NOP9: variants seen among roughly 807,000 people sequenced by gnomAD.
NOP9 encodes the protein nucleolar protein 9.
Under a neutral mutation model 63.0 loss-of-function variants are expected in NOP9, and 50 were observed. The observed-to-expected ratio is 0.79, with a 90% CI of 0.63 to 1.00. The LOEUF (loss-of-function observed/expected upper bound fraction) is 1.00. Among genes scored for constraint, NOP9 ranks in the 50% least tolerant of loss-of-function variants. The probability of loss-of-function intolerance (pLI) is 0.00; values close to 1 mark genes in which losing one functional copy is unlikely to be tolerated. For synonymous variants in NOP9, 343 were observed against 332.8 expected, an observed-to-expected ratio of 1.03 and a Z score of -0.33; for missense variants, 758 against 803.0, an observed-to-expected ratio of 0.94 and a Z score of 0.68.
At chr14:24,282,653 G>C in the NOP9 span, among the ~76,000 whole-genome samples, 1 of 152,088 alleles carries the variant, frequency 6.6e-6, no homozygotes, top group Non-Finnish European at 1.5e-5. Context: ...TCACCAATAT[G>C]GGGCATATGT....
In NOP9 at chr14:24,304,029, C is replaced by G. The variant is rs780597624; in HGVS notation, c.1411-12C>G. 6.2e-7 allele frequency: 1 copy of G among 1,612,004 alleles called. No homozygotes were observed. Among genetic ancestry groups the G allele is most frequent in the Non-Finnish European group, 8.5e-7 (1 of 1,178,228 alleles). ...GTTGGTGCCTCCTAATTTCTTATCT[C>G]TGCGCTGCCAGGTGGCAATGGCCGC... On this transcript the variant is annotated splice_polypyrimidine_tract_variant and intron_variant, in intron 7 of 9. Coordinates refer to ENST00000267425, the MANE Select transcript of NOP9 (RefSeq NM_174913.3).
At chr14:24,298,811 G>T, upstream of NOP9, 4 of 1,033,082 alleles carry the variant, frequency 3.9e-6, no homozygotes, top group Non-Finnish European at 3.9e-6. Flanking sequence ...AGTTATTTAC[G>T]GGGTTTTTAA....
Position 24,300,001 on chromosome 14 carries a change from C to T in NOP9, c.47C>T (p.Pro16Leu), listed in dbSNP as rs777894674. The change falls in exon 1 of 10, where the codon CCA becomes CTA. Residue 16 changes from proline (P) to leucine (L), a missense_variant. Coordinates refer to ENST00000267425, the MANE Select transcript of NOP9 (RefSeq NM_174913.3). ...RSPHKVGRRF[P>L]AGGKRGRGAK... is the part of the protein sequence containing the mutation. ...CCACACAAGGTGGGGCGCCGGTTCC[C>T]AGCTGGTGGCAAACGGGGGCGCGGG... is the stretch of plus-strand genomic sequence containing the variant. 6.3e-7 allele frequency: 1 copy of T among 1,599,860 alleles called. No homozygotes were observed. The highest frequency in any genetic ancestry group is 8.5e-7 in the Non-Finnish European group (1 of 1,172,574).
chr14:24,287,370 G>A, the NOP9 span, among the ~76,000 whole-genome samples: 1 of 152,156 alleles, frequency 6.6e-6, no homozygotes, highest in African/African-American at 2.4e-5. Context: ...GTCCCAGGCT[G>A]GAACTATTCT....
intron 6 of NOP9, 131 bp downstream of exon 6, chr14:24,303,345 G>A: frequency 8.6e-7 from 1 of 1,166,948 alleles, no homozygotes; most frequent in South Asian, 1.3e-5. Context: ...CAGGAATGGG[G>A]GAAAATGAGG....
chr14:24,303,967 TG>T, intron 7 of NOP9, 73 bp from the exon 8 acceptor site: 11 of 1,574,782 alleles, frequency 7.0e-6, no homozygotes, highest in Non-Finnish European at 9.6e-6. Context: ...CAGGTGGAGG[TG>T]GCAGTGTTCT....
In NOP9 at chr14:24,302,306, C is replaced by G; in HGVS notation, c.1025C>G (p.Pro342Arg). 1.9e-6 allele frequency: 3 copies of G among 1,614,162 alleles called. No homozygotes were observed. Among genetic ancestry groups the G allele is most frequent in the Non-Finnish European group, 2.5e-6 (3 of 1,180,014 alleles). Reference protein sequence around the residue: ...LEQVLLVLEPPRLQSLFEEHL... With the variant: ...LEQVLLVLEPRRLQSLFEEHL... ...CAGGTCCTGCTGGTGTTGGAGCCCCCAAGACTCCAGAGCCTCTTTGAGGAG... is the reference window on the plus strand; with the variant it reads ...CAGGTCCTGCTGGTGTTGGAGCCCCGAAGACTCCAGAGCCTCTTTGAGGAG... Residue 342 changes from proline to arginine, a missense_variant, in exon 5 of 10, where the codon CCA becomes CGA. Physicochemically the swap from Pro to Arg is moderately radical, Grantham distance 103 (BLOSUM62 -2). Transcript: ENST00000267425.
At chr14:24,297,085 G>A (rs2041262785), upstream of NOP9, among the ~76,000 whole-genome samples, 1 of 152,226 alleles carries the variant, frequency 6.6e-6, no homozygotes, top group African/African-American at 2.4e-5. Flanking sequence ...CACAGAGCAA[G>A]GTGAATTGCA....
the NOP9 span, chr14:24,292,465 C>T: frequency 2.7e-6 from 4 of 1,472,682 alleles, no homozygotes; most frequent in Non-Finnish European, 3.7e-6. Context: ...TGCCCACGCT[C>T]CCCAGTGTGA....
At position 24,306,781 on chromosome 14, in the gene NOP9, G is replaced by T. The variant is rs759851705; in HGVS notation, c.*1686G>T. ...CTTGCTCCCCTCCAAGTCACTTCTG[G>T]TTTGGAATTGGAAAGCAAGCCAGGT... On this transcript the variant is annotated 3_prime_UTR_variant, in exon 10 of 10. Transcript: ENST00000267425. The T allele has an allele frequency of 5.9e-6, 3 of 507,938 alleles. No individual in the cohort carries two copies. Among genetic ancestry groups the T allele is most frequent in the African/African-American group, 1.9e-5 (1 of 52,148 alleles). The allele number at this position is 507,938 out of a possible 1,614,324, so 31.5% of individuals were successfully genotyped here.
At chr14:24,292,846 C>T in the NOP9 span, 2 of 1,545,008 alleles carry the variant, frequency 1.3e-6, no homozygotes, top group African/African-American at 1.4e-5. Context: ...GGTGCCACAG[C>T]CTCTGGCGGC....
At chr14:24,295,586 C>T (rs2041235787), upstream of NOP9, among the ~76,000 whole-genome samples, 4 of 152,202 alleles carry the variant, frequency 2.6e-5, no homozygotes, top group Admixed American at 2.6e-4. Context: ...CCTTGAATCT[C>T]TGCTTCAGGG....
In NOP9 at chr14:24,302,339, A is replaced by G; in HGVS notation, c.1058A>G (p.Gln353Arg). ...CAGAGCCTCTTTGAGGAGCACTTGC[A>G]GGGGCAGCTGCAGACCCTGGCTGCA... Reference protein sequence around the residue: ...RLQSLFEEHLQGQLQTLAAHP... With the variant: ...RLQSLFEEHLRGQLQTLAAHP... Residue 353 changes from glutamine to arginine, a missense_variant, in exon 5 of 10, where the codon CAG becomes CGG. Physicochemically the swap from Gln to Arg is conservative, Grantham distance 43 (BLOSUM62 1). Transcript: ENST00000267425. 3 of 1,614,158 alleles carry G rather than the reference A, an allele frequency of 1.9e-6. No homozygotes were observed. Among genetic ancestry groups the G allele is most frequent in the Non-Finnish European group, 2.5e-6 (3 of 1,180,022 alleles).
At chr14:24,297,145 C>T (rs183776010), upstream of NOP9, among the ~76,000 whole-genome samples, 12 of 152,224 alleles carry the variant, frequency 7.9e-5, no homozygotes, top group Non-Finnish European at 1.3e-4. Context: ...ACCATGTGCA[C>T]AGCATTGTAC....
At chr14:24,299,203 G>T, upstream of NOP9, 1 of 1,401,632 alleles carries the variant, frequency 7.1e-7, no homozygotes, top group South Asian at 1.4e-5. Context: ...TGGGGGGTAG[G>T]GGAGAACCTC....
chr14:24,283,664 A>G, the NOP9 span, among the ~76,000 whole-genome samples: 7 of 152,212 alleles, frequency 4.6e-5, no homozygotes, highest in Admixed American at 2.6e-4. Flanking sequence ...AGAGACAGAG[A>G]GACAGCTGGC....
chr14:24,282,078 C>T, the NOP9 span, among the ~76,000 whole-genome samples: 1 of 152,158 alleles, frequency 6.6e-6, no homozygotes, highest in Non-Finnish European at 1.5e-5. Context: ...TTCCATGCTA[C>T]TGGGGAGGCT....
In NOP9 at chr14:24,304,264, T is replaced by C; in HGVS notation, c.1634T>C (p.Leu545Pro). 1.2e-6 allele frequency: 2 copies of C among 1,613,768 alleles called. No individual in the cohort carries two copies. Among genetic ancestry groups the C allele is most frequent in the Non-Finnish European group, 1.7e-6 (2 of 1,179,862 alleles). ...SVTRKLRRRV[L>P]QNLKGQYVAL... is the part of the protein sequence containing the mutation. ...ACGCGCAAGCTGCGCCGCCGTGTGC[T>C]GCAGAACCTAAAGGTTAGATTTCTG... Residue 545 changes from leucine to proline, a missense_variant, in exon 8 of 10, where the codon CTG becomes CCG. Transcript: ENST00000267425.
the NOP9 span, among the ~76,000 whole-genome samples, chr14:24,277,367 G>T: frequency 2.6e-5 from 4 of 152,132 alleles, no homozygotes; most frequent in African/African-American, 9.7e-5. Flanking sequence ...TGGGCGTCAG[G>T]TGTGCGCAGG....
Sources: allele counts gnomAD v4.1 joint callset (sites outside exome capture counted in the v4.1 genomes callset), GRCh38; gene constraint gnomAD v4.1.1; transcripts MANE v1.5; gene names NCBI Gene and HGNC (gene_info 2026-07-23, HGNC 2026-07-21).